TENM3: variants seen among roughly 807,000 people sequenced by gnomAD.
The protein encoded by TENM3 is teneurin transmembrane protein 3.
TENM3 carries 63 observed loss-of-function variants against 255.1 expected under a neutral mutation model. That is an observed-to-expected ratio of 0.25 (90% CI 0.20 to 0.30). TENM3 has a LOEUF of 0.30. TENM3 is among the 10% of genes least tolerant of loss of function. The pLI is 1.00. For missense variants in TENM3, 2,929 were observed against 3,461.1 expected (o/e 0.85, Z 3.86); for synonymous variants, 1,306 against 1,322.3 (o/e 0.99, Z 0.27).
intron 3 of TENM3, among the ~76,000 whole-genome samples, chr4:182,437,284 G>A (rs1772120009): frequency 6.6e-6 from 1 of 152,156 alleles, no homozygotes; most frequent in African/African-American, 2.4e-5. Flanking sequence ...TAATTTTATA[G>A]TGGATAGATA....
At chr4:182,317,264 G>A (rs1363492883) in intron 1 of TENM3, among the ~76,000 whole-genome samples, 1 of 152,032 alleles carries the variant, frequency 6.6e-6, no homozygotes, top group African/African-American at 2.4e-5. Context: ...TATATTCATA[G>A]TAGATTCCCC....
chr4:181,990,463 G>A, the TENM3 span, among the ~76,000 whole-genome samples: 1 of 152,044 alleles, frequency 6.6e-6, no homozygotes, highest in African/African-American at 2.4e-5. Flanking sequence ...TAATAGATAA[G>A]TGCCATATTC....
chr4:181,475,206 A>C, the TENM3 span, among the ~76,000 whole-genome samples: 3 of 152,210 alleles, frequency 2.0e-5, no homozygotes, highest in Non-Finnish European at 4.4e-5. Context: ...TACAGCATTC[A>C]GAAATTTTGT....
intron 12 of TENM3, among the ~76,000 whole-genome samples, chr4:182,702,506 A>G (rs1027009136): frequency 6.6e-6 from 1 of 152,190 alleles, no homozygotes; most frequent in African/African-American, 2.4e-5. Context: ...AACTCTCCCT[A>G]TTAATAAGAT....
the TENM3 span, among the ~76,000 whole-genome samples, chr4:181,836,751 A>C: frequency 6.6e-6 from 1 of 152,176 alleles, no homozygotes; most frequent in Non-Finnish European, 1.5e-5. Flanking sequence ...GGGATTTTGC[A>C]CTTCCGTATG....
the TENM3 span, among the ~76,000 whole-genome samples, chr4:181,744,666 G>A: frequency 6.6e-6 from 1 of 152,180 alleles, no homozygotes; most frequent in African/African-American, 2.4e-5. Flanking sequence ...GAAGGATGTG[G>A]GCAGCTTGGA....
At chr4:182,167,266 T>G (rs1751781824) in intron 1 of TENM3, among the ~76,000 whole-genome samples, 1 of 152,196 alleles carries the variant, frequency 6.6e-6, no homozygotes, top group Non-Finnish European at 1.5e-5. Context: ...TGAAGACATT[T>G]ATCAAAAGGG....
At chr4:181,570,698 C>T in the TENM3 span, among the ~76,000 whole-genome samples, 1 of 151,534 alleles carries the variant, frequency 6.6e-6, no homozygotes, top group Admixed American at 6.6e-5. Context: ...TTCTGGTAGG[C>T]AGCGGAGTAG....
chr4:181,768,775 A>G, the TENM3 span, among the ~76,000 whole-genome samples: 7 of 152,228 alleles, frequency 4.6e-5, no homozygotes, highest in African/African-American at 1.7e-4. Flanking sequence ...CAGGAGACAT[A>G]AAATATTTAT....
chr4:182,521,561 A>T (rs1259507831), intron 3 of TENM3, among the ~76,000 whole-genome samples: 2 of 151,540 alleles, frequency 1.3e-5, no homozygotes, highest in East Asian at 3.9e-4. Flanking sequence ...CAAGTCATAC[A>T]GGTTGGGTAG....
chr4:182,444,230 T>C (rs1465657141), intron 3 of TENM3, among the ~76,000 whole-genome samples: 2 of 152,232 alleles, frequency 1.3e-5, no homozygotes, highest in Non-Finnish European at 2.9e-5. Flanking sequence ...TATAGTTTTA[T>C]GTCAGCTTAT....
At chr4:181,640,749 C>G in the TENM3 span, among the ~76,000 whole-genome samples, 6 of 152,160 alleles carry the variant, frequency 3.9e-5, no homozygotes, top group Non-Finnish European at 8.8e-5. Context: ...GTGATGCCGG[C>G]GTTGCAGCAG....
the TENM3 span, among the ~76,000 whole-genome samples, chr4:182,114,445 C>T: frequency 6.6e-6 from 1 of 151,214 alleles, no homozygotes; most frequent in Non-Finnish European, 1.5e-5. Context: ...AATTTTATTC[C>T]AATCGTTTTT....
intron 3 of TENM3, among the ~76,000 whole-genome samples, chr4:182,585,820 C>T (rs751139572): frequency 2.0e-5 from 3 of 152,022 alleles, no homozygotes; most frequent in Non-Finnish European, 4.4e-5. Context: ...AATGAAAGCT[C>T]ATAAGATCCA....
rs139101704 is a variant in TENM3, at chr4:182,355,884, G to C, written c.511+8955G>C. Among the ~76,000 whole-genome samples the C allele has an allele frequency of 1.2e-3, 180 of 150,430 alleles. No individual in the cohort carries two copies. The Middle Eastern group carries it at 0.024, about 20-fold the overall frequency. ...TGTGTCTGTGGGCCATCAAGTTTCA[G>C]TAATTTATTAGCCAATTATATATAT... On this transcript the variant is annotated intron_variant, in intron 3 of 27. Transcript: ENST00000511685.
At chr4:182,686,296 TA>T (rs1417809561) in intron 11 of TENM3, among the ~76,000 whole-genome samples, 2 of 152,102 alleles carry the variant, frequency 1.3e-5, no homozygotes, top group Non-Finnish European at 2.9e-5. Flanking sequence ...GAATTCATAG[TA>T]AAGGTCTCAA....
At chr4:181,711,125 A>G in the TENM3 span, among the ~76,000 whole-genome samples, 1 of 152,194 alleles carries the variant, frequency 6.6e-6, no homozygotes, top group Admixed American at 6.5e-5. Context: ...ACAAATTCAC[A>G]TGCTTTGGCT....
upstream of TENM3, among the ~76,000 whole-genome samples, chr4:182,241,113 G>A (rs112383294): frequency 3.3e-5 from 5 of 152,198 alleles, no homozygotes; most frequent in Admixed American, 6.5e-5. Flanking sequence ...TTTAACACTC[G>A]TGCTGAAATT....
At chr4:182,161,959 G>GTGTATATATA (rs1343876481) in intron 1 of TENM3, among the ~76,000 whole-genome samples, 1 of 16,270 alleles carries the variant, frequency 6.1e-5, no homozygotes, top group Non-Finnish European at 1.4e-4. Context: ...GTGTGTGTGT[G>GTGTATATATA]TATATATATA....
Sources: allele counts gnomAD v4.1 joint callset (sites outside exome capture counted in the v4.1 genomes callset), GRCh38; gene constraint gnomAD v4.1.1; transcripts MANE v1.5; gene names NCBI Gene and HGNC (gene_info 2026-07-23, HGNC 2026-07-21).